Variants in KMT2C observed in about 807,000 individuals in gnomAD.
The protein encoded by KMT2C is lysine methyltransferase 2C, also known as histone-lysine N-methyltransferase 2C.
In KMT2C, 88 loss-of-function variants were observed where a neutral mutation model predicts 507.9. The ratio of observed to expected loss-of-function variants is 0.17; its 90% CI spans 0.15 to 0.21. KMT2C has a LOEUF of 0.21. Among genes scored for constraint, KMT2C ranks in the 10% least tolerant of loss-of-function variants. The pLI is 1.00. For missense variants in KMT2C, 4,954 were observed against 5,957.8 expected (o/e 0.83, Z 5.55); for synonymous variants, 2,049 against 2,080.8 (o/e 0.98, Z 0.42).
At chr7:152,419,281 G>A (rs1478141867) in intron 1 of KMT2C, among the ~76,000 whole-genome samples, 1 of 152,094 alleles carries the variant, frequency 6.6e-6, no homozygotes, top group Admixed American at 6.6e-5. Flanking sequence ...AACTCGGGAG[G>A]CGGAGATTGC....
intron 9 of KMT2C, among the ~76,000 whole-genome samples, chr7:152,255,683 T>C (rs187362172): frequency 3.3e-5 from 5 of 152,184 alleles, no homozygotes; most frequent in Non-Finnish European, 7.4e-5. Flanking sequence ...GACAGATCGA[T>C]GGAATGGAAA....
chr7:152,280,690 G>A (rs1698050710), intron 6 of KMT2C, among the ~76,000 whole-genome samples: 1 of 152,122 alleles, frequency 6.6e-6, no homozygotes, highest in African/African-American at 2.4e-5. Context: ...TAAACAGAGA[G>A]CACAGGTGAG....
intron 2 of KMT2C, among the ~76,000 whole-genome samples, chr7:152,352,861 T>C (rs2097124660): frequency 6.6e-6 from 1 of 152,150 alleles, no homozygotes; most frequent in South Asian, 2.1e-4. Context: ...AGATGTTATT[T>C]AAAAGGACTC....
chr7:152,389,118 G>A (rs956579551), intron 1 of KMT2C, among the ~76,000 whole-genome samples: 7 of 152,054 alleles, frequency 4.6e-5, no homozygotes, highest in Non-Finnish European at 1.0e-4. Context: ...TCCTGGCCTC[G>A]TGATCTGCCC....
chr7:152,198,922 T>C (rs2094046702), intron 27 of KMT2C, among the ~76,000 whole-genome samples: 1 of 152,064 alleles, frequency 6.6e-6, no homozygotes, highest in South Asian at 2.1e-4. Flanking sequence ...TCCATTTCGG[T>C]TTCTCTGTTT....
chr7:152,366,953 G>A (rs932638734), intron 1 of KMT2C: 85 of 518,170 alleles, frequency 1.6e-4, no homozygotes, highest in African/African-American at 1.5e-3. Context: ...GCAAGGTCGC[G>A]CAGAAGCTCC....
At chr7:152,289,392 A>C (rs1376930734) in intron 6 of KMT2C, among the ~76,000 whole-genome samples, 1 of 152,250 alleles carries the variant, frequency 6.6e-6, no homozygotes, top group Non-Finnish European at 1.5e-5. Context: ...CCATGAATAC[A>C]CATCTTTTAA....
In KMT2C at chr7:152,290,270, ATATATATATATATATATATATATAT is replaced by A. The variant is rs1563742500; in HGVS notation, c.850-16428_850-16404del. Among the ~76,000 whole-genome samples, 29 of 22,138 alleles carry A rather than the reference ATATATATATATATATATATATATAT, an allele frequency of 1.3e-3. 1 individual carries two copies. The highest frequency in any genetic ancestry group is 2.0e-3 in the Non-Finnish European group (26 of 12,902). 14.5% of individuals were successfully genotyped at this position (22,138 alleles called of 152,430 possible). On this transcript the variant is annotated intron_variant, in intron 6 of 58. Transcript: ENST00000262189. ...TGTGTGTGTATGTGTATATATATAT[ATATATATATATATATATATATATAT>A]TTTTTTTTTTTTTTTTTTTTTTTTT...
At position 152,187,410 on chromosome 7, in the gene KMT2C, G is replaced by A. The variant is rs766220408; in HGVS notation, c.4860C>T (p.Pro1620=). 5 of 1,613,896 alleles carry A rather than the reference G, an allele frequency of 3.1e-6. No individual in the cohort carries two copies. The African/African-American group carries it at 5.3e-5, about 17-fold the overall frequency. The stretch of plus-strand genomic sequence containing the variant: ...TTGTGTCATTTTCTCCTTCCACAGT[G>A]GGAGCTGATGATGTCCAAGAGTTGT... The part of the protein sequence containing the change: ...DPNNSWTSSA[P]TVEGENDTMS... The change falls in exon 33 of 59, where the codon CCC becomes CCT. Residue 1620 remains proline (P), a synonymous_variant. Transcript: ENST00000262189.
intron 18 of KMT2C, among the ~76,000 whole-genome samples, chr7:152,226,834 CA>C (rs1424221097): frequency 2.6e-5 from 4 of 152,150 alleles, no homozygotes; most frequent in Non-Finnish European, 4.4e-5. Flanking sequence ...AGAACATGGC[CA>C]TATTTCAATA....
rs763287783 is a variant in KMT2C at position 152,177,304 on chromosome 7, G to A, written c.8149C>T (p.Leu2717Phe). ...TCTGTATCTAAATTTAAGTTTTCAA[G>A]ATCTTCATCATCTAAGTCTTTGACT... ...VEVKDLDDEDLENLNLDTEDG... is the reference protein window; with the variant it reads ...VEVKDLDDEDFENLNLDTEDG... The change falls in exon 38 of 59, where the codon CTT becomes TTT. Residue 2717 changes from leucine to phenylalanine, a missense_variant. By Grantham distance (22) the Leu-to-Phe change is conservative (BLOSUM62 0). Coordinates refer to ENST00000262189, the MANE Select transcript of KMT2C (RefSeq NM_170606.3). 1.9e-6 allele frequency: 3 copies of A among 1,613,956 alleles called. No individual in the cohort carries two copies.
intron 6 of KMT2C, among the ~76,000 whole-genome samples, chr7:152,283,507 A>G (rs1296472480): frequency 6.6e-6 from 1 of 152,210 alleles, no homozygotes; most frequent in Non-Finnish European, 1.5e-5. Context: ...TGAAACTAAC[A>G]GAAGAATACT....
chr7:152,260,222 G>A (rs2095745875), intron 9 of KMT2C, among the ~76,000 whole-genome samples: 1 of 152,142 alleles, frequency 6.6e-6, no homozygotes, highest in Non-Finnish European at 1.5e-5. Context: ...AGGATAAAAA[G>A]ATTAAGTATC....
At chr7:152,207,744 T>C (rs547554392) in intron 23 of KMT2C, among the ~76,000 whole-genome samples, 31 of 152,314 alleles carry the variant, frequency 2.0e-4, no homozygotes, top group African/African-American at 6.7e-4. Context: ...GTCTCTAGAC[T>C]AGAACTCTCT....
At chr7:152,257,477 C>A (rs765086593) in intron 9 of KMT2C, among the ~76,000 whole-genome samples, 2 of 152,028 alleles carry the variant, frequency 1.3e-5, no homozygotes, top group Non-Finnish European at 1.5e-5. Flanking sequence ...CTAATATCTT[C>A]TATATTTAAA....
chr7:152,349,626 TAGCAAGGAGGGAGGG>T (rs1452348325), intron 2 of KMT2C, among the ~76,000 whole-genome samples: 11 of 151,944 alleles, frequency 7.2e-5, no homozygotes, highest in African/African-American at 2.4e-4. Context: ...TGCCATAGGT[TAGCAAGGAGGGAGGG>T]AGCAAGGAGG....
At chr7:152,435,436 G>A (rs1317042250) in intron 1 of KMT2C, among the ~76,000 whole-genome samples, 190 bp downstream of exon 1, 3 of 147,218 alleles carry the variant, frequency 2.0e-5, no homozygotes, top group Non-Finnish European at 4.5e-5. Flanking sequence ...CGGAGCGGGG[G>A]AGGCCGGGCG....
chr7:152,147,707 CAAAAAAAAAAAAAAA>C (rs762588729), intron 52 of KMT2C, among the ~76,000 whole-genome samples: 2 of 46,738 alleles, frequency 4.3e-5, no homozygotes, highest in East Asian at 5.1e-4. Context: ...AACTCCGTCT[CAAAAAAAAAAAAAAA>C]AAAAAAGAAA....
At chr7:152,151,925 T>G (rs1219723574) in intron 49 of KMT2C, among the ~76,000 whole-genome samples, 1 of 152,100 alleles carries the variant, frequency 6.6e-6, no homozygotes, top group Non-Finnish European at 1.5e-5. Context: ...GTTAAGATGG[T>G]AAAAAAACAT....
Sources: allele counts gnomAD v4.1 joint callset (sites outside exome capture counted in the v4.1 genomes callset), GRCh38; gene constraint gnomAD v4.1.1; transcripts MANE v1.5; gene names NCBI Gene and HGNC (gene_info 2026-07-23, HGNC 2026-07-21).